The following MAP4K4 variants were observed in gnomAD, a reference collection of about 807,000 sequenced individuals.
MAP4K4 encodes HPK/GCK-like kinase HGK.
Under a neutral mutation model 189.6 loss-of-function variants are expected in MAP4K4, and 38 were observed. That is an observed-to-expected ratio of 0.20 (90% CI 0.15 to 0.26). The LOEUF is 0.26. MAP4K4 is among the 10% of genes least tolerant of loss of function. The pLI is 1.00. For missense variants in MAP4K4, 1,054 were observed against 1,726.9 expected (o/e 0.61, Z 6.91); for synonymous variants, 610 against 624.3 (o/e 0.98, Z 0.34).
At chr2:101,854,026 T>C (rs776955293) in intron 12 of MAP4K4, among the ~76,000 whole-genome samples, 4 of 152,172 alleles carry the variant, frequency 2.6e-5, no homozygotes, top group African/African-American at 4.8e-5. Context: ...GTTTTGCCTC[T>C]TCTTCTCTCT....
intron 2 of MAP4K4, among the ~76,000 whole-genome samples, chr2:101,757,415 T>A (rs1169843256): frequency 2.6e-5 from 4 of 152,158 alleles, no homozygotes; most frequent in Non-Finnish European, 5.9e-5. Flanking sequence ...ATAGACTAGA[T>A]CTACAGAAAA....
intron 2 of MAP4K4, among the ~76,000 whole-genome samples, chr2:101,701,583 A>C (rs1009692419): frequency 6.6e-6 from 1 of 152,220 alleles, no homozygotes; most frequent in Non-Finnish European, 1.5e-5. Flanking sequence ...GTCTCTGACA[A>C]CAGTGGTAAA....
intron 26 of MAP4K4, among the ~76,000 whole-genome samples, chr2:101,876,079 C>T (rs1318561841): frequency 1.3e-5 from 2 of 152,202 alleles, no homozygotes; most frequent in South Asian, 2.1e-4. Context: ...AAGGGGTTTT[C>T]TCTGGCTCTA....
chr2:101,824,467 T>G (rs1323389871), intron 4 of MAP4K4, among the ~76,000 whole-genome samples: 1 of 152,206 alleles, frequency 6.6e-6, no homozygotes, highest in Non-Finnish European at 1.5e-5. Flanking sequence ...GTCAGTAGCT[T>G]ATTAATAATA....
At chr2:101,736,864 C>T (rs993676737) in intron 2 of MAP4K4, among the ~76,000 whole-genome samples, 3 of 152,148 alleles carry the variant, frequency 2.0e-5, no homozygotes, top group Non-Finnish European at 4.4e-5. Context: ...AGACAGTTGT[C>T]TATTAAATTT....
At position 101,698,204 on chromosome 2, in the gene MAP4K4, C is replaced by G. The variant is rs529716500; in HGVS notation, c.57+67C>G. The G allele has an allele frequency of 1.9e-4, 154 of 792,542 alleles. 3 individuals are homozygous for G. In the South Asian group the frequency reaches 3.9e-3, roughly 20 times the overall value. The allele number at this position is 792,542 out of a possible 1,614,324, so 49.1% of individuals were successfully genotyped here. On this transcript the variant is annotated intron_variant, in intron 1 of 32. Coordinates refer to ENST00000324219, the Ensembl canonical transcript of MAP4K4. The stretch of plus-strand genomic sequence containing the variant: ...GGCAGCCGGCAGCCGGGGCCGCGCC[C>G]AGGTCGGCCGGGCGCTCGGGCGCCG...
chr2:101,712,077 T>G (rs988108815), intron 2 of MAP4K4, among the ~76,000 whole-genome samples: 1 of 151,912 alleles, frequency 6.6e-6, no homozygotes, highest in Non-Finnish European at 1.5e-5. Context: ...GTAGCACATG[T>G]TTTTAACTTA....
At chr2:101,698,738 C>T (rs1355055298) in intron 2 of MAP4K4, among the ~76,000 whole-genome samples, 200 bp downstream of exon 2, 1 of 152,190 alleles carries the variant, frequency 6.6e-6, no homozygotes, top group East Asian at 1.9e-4. Context: ...ACCTCATTTC[C>T]TGGCTTTGAG....
At chr2:101,779,201 GGGA>G (rs965082767) in intron 2 of MAP4K4, among the ~76,000 whole-genome samples, 4 of 151,968 alleles carry the variant, frequency 2.6e-5, no homozygotes, top group South Asian at 4.2e-4. Flanking sequence ...TTTATTGATA[GGGA>G]GGAGGAGGAG....
intron 2 of MAP4K4, among the ~76,000 whole-genome samples, chr2:101,779,835 A>G (rs1413162409): frequency 6.6e-6 from 1 of 151,420 alleles, no homozygotes; most frequent in East Asian, 1.9e-4. Flanking sequence ...AAGGAGGGAC[A>G]ATACAGTTAT....
intron 24 of MAP4K4, among the ~76,000 whole-genome samples, 168 bp downstream of exon 24, chr2:101,871,853 A>G (rs1050303861): frequency 2.6e-5 from 4 of 152,114 alleles, no homozygotes; most frequent in African/African-American, 9.7e-5. Flanking sequence ...TCAGATCTGC[A>G]TATAAACCCC....
intron 2 of MAP4K4, among the ~76,000 whole-genome samples, chr2:101,788,060 TC>T (rs1381766815): frequency 6.6e-6 from 1 of 151,934 alleles, no homozygotes; most frequent in African/African-American, 2.4e-5. Context: ...TGCCTTGGCC[TC>T]CCAAAGTTCT....
chr2:101,738,407 C>T (rs1031335445), intron 2 of MAP4K4, among the ~76,000 whole-genome samples: 2 of 152,026 alleles, frequency 1.3e-5, no homozygotes, highest in African/African-American at 4.8e-5. Context: ...CTAGAAGTAA[C>T]TTACATGCAG....
chr2:101,757,812 G>A (rs2073689680), intron 2 of MAP4K4, among the ~76,000 whole-genome samples: 1 of 152,212 alleles, frequency 6.6e-6, no homozygotes, highest in South Asian at 2.1e-4. Context: ...TTGGGGCCAG[G>A]AGTTCAAGAC....
exon 24 of MAP4K4, chr2:101,871,562 G>A (rs1479813302): frequency 6.5e-7 from 1 of 1,536,234 alleles, no homozygotes; most frequent in African/African-American, 1.4e-5. Context: ...TTCACCTCTT[G>A]CCAGATCTCT....
chr2:101,890,919 TG>T (rs2098556894), intron 32 of MAP4K4, among the ~76,000 whole-genome samples: 1 of 151,924 alleles, frequency 6.6e-6, no homozygotes, highest in South Asian at 2.1e-4. Flanking sequence ...TGCCACCACA[TG>T]GTATTTTTAG....
chr2:101,831,696 A>G (rs2096600741), intron 6 of MAP4K4, 25 bp from the exon 7 acceptor site: 2 of 1,574,034 alleles, frequency 1.3e-6, no homozygotes, highest in East Asian at 4.6e-5. Context: ...ATCTTTCTTT[A>G]TCTGCCTTTT....
chr2:101,875,901 G>A (rs2098188776), intron 26 of MAP4K4, among the ~76,000 whole-genome samples: 1 of 152,204 alleles, frequency 6.6e-6, no homozygotes, highest in Non-Finnish European at 1.5e-5. Context: ...TTTGAAGATA[G>A]TCATGACGTG....
intron 13 of MAP4K4, among the ~76,000 whole-genome samples, chr2:101,858,244 G>A (rs548459063): frequency 1.3e-5 from 2 of 152,300 alleles, no homozygotes; most frequent in East Asian, 1.9e-4. Context: ...TAATACGCAT[G>A]CAGCTTTGAA....
Sources: gnomAD v4.1 joint callset for allele counts (sites outside exome capture counted in the v4.1 genomes callset) on GRCh38, gnomAD v4.1.1 for gene constraint, MANE v1.5 for transcripts, NCBI Gene and HGNC (gene_info 2026-07-23, HGNC 2026-07-21) for gene names.